The following CT45A1 variants were observed in gnomAD, a reference collection of about 807,000 sequenced individuals.
CT45A1 encodes the protein cancer/testis antigen 45-1.
rs782162920 is a variant in CT45A1 at position 135,714,840 on chromosome X, T to G, written c.-7+1150T>G. 2.7e-5 allele frequency among the ~76,000 whole-genome samples: 3 copies of G among 109,184 alleles called. No homozygotes were observed. The South Asian group carries it at 1.2e-3, about 43-fold the overall frequency. 94.8% of individuals were successfully genotyped at this position (109,184 alleles called of 115,157 possible). A position where few individuals can be genotyped will look rare whatever the true frequency, so the allele number is the denominator to read the frequency against. ...ACCACACCCAGCTATTTATTGTTTT[T>G]TTTTTTTTTTGAGCACCATTTTATG... is the stretch of plus-strand genomic sequence containing the variant. On this transcript the variant is annotated intron_variant, in intron 1 of 4. Coordinates refer to ENST00000594565, the MANE Select transcript of CT45A1 (RefSeq NM_001017417.3).
At chrX:135,712,736 G>T (rs1281692115), upstream of CT45A1, among the ~76,000 whole-genome samples, 1 of 108,024 alleles carries the variant, frequency 9.3e-6, no homozygotes, top group African/African-American at 3.4e-5. Context: ...CACCATGTTG[G>T]CCAGGCTGGT....
intron 1 of CT45A1, among the ~76,000 whole-genome samples, chrX:135,715,034 C>T (rs1452981293): frequency 8.5e-5 from 9 of 105,946 alleles, no homozygotes; most frequent in African/African-American, 3.1e-4. Flanking sequence ...TATAAAAATA[C>T]GTATACAATT....
chrX:135,709,550 G>C (rs1556569038), upstream of CT45A1, among the ~76,000 whole-genome samples: 2 of 112,710 alleles, frequency 1.8e-5, no homozygotes. Flanking sequence ...TTACAGGCGT[G>C]AGCCACTGTG....
intron 1 of CT45A1, among the ~76,000 whole-genome samples, chrX:135,715,391 T>TTATATATATAATACTTATATATAA (rs2087975390): frequency 8.6e-5 from 5 of 58,005 alleles, no homozygotes; most frequent in African/African-American, 2.7e-4. Context: ...TATATAATAC[T>TTATATATATAATACTTATATATAA]TATATATATA....
chrX:135,714,624 G>T (rs781879734), intron 1 of CT45A1, among the ~76,000 whole-genome samples: 80 of 111,139 alleles, frequency 7.2e-4, no homozygotes, highest in African/African-American at 2.4e-3. Context: ...TCGAACACTC[G>T]CTGTACAGTT....
intron 1 of CT45A1, among the ~76,000 whole-genome samples, chrX:135,717,444 G>A (rs1204398732): frequency 1.5e-4 from 17 of 110,621 alleles, no homozygotes; most frequent in African/African-American, 5.3e-4. Flanking sequence ...AGCTACTCGG[G>A]AGGCTGAGGC....
chrX:135,718,170 G>A (rs2088004650), intron 1 of CT45A1, among the ~76,000 whole-genome samples: 1 of 111,610 alleles, frequency 9.0e-6, no homozygotes. Flanking sequence ...CCTGTTTGTT[G>A]CTGTTGTTGT....
At chrX:135,712,962 TTTC>T (rs2087945201), upstream of CT45A1, among the ~76,000 whole-genome samples, 52 of 83,731 alleles carry the variant, frequency 6.2e-4, no homozygotes, top group Admixed American at 6.5e-3. Context: ...TCTTTCTTTC[TTTC>T]TTTCTTTCTT....
At chrX:135,708,568 T>C in the CT45A1 span, among the ~76,000 whole-genome samples, 1 of 110,966 alleles carries the variant, frequency 9.0e-6, no homozygotes, top group Non-Finnish European at 1.9e-5. Flanking sequence ...CCGTTTTCCT[T>C]GGGCACCTTG....
intron 1 of CT45A1, among the ~76,000 whole-genome samples, chrX:135,718,401 A>T (rs1328277770): frequency 9.1e-6 from 1 of 110,449 alleles, no homozygotes; most frequent in Non-Finnish European, 1.9e-5. Context: ...TCCTTGTCAG[A>T]TGTTGTTATC....
chrX:135,709,956 C>A (rs782663418), upstream of CT45A1: 4 of 112,327 alleles, frequency 3.6e-5, no homozygotes, highest in Non-Finnish European at 5.6e-5. Flanking sequence ...CACTTTGACA[C>A]CTTTACAAGT....
intron 2 of CT45A1, among the ~76,000 whole-genome samples, 176 bp downstream of exon 2, chrX:135,719,285 CT>C (rs1226672376): frequency 1.5e-4 from 3 of 20,098 alleles, no homozygotes; most frequent in African/African-American, 2.8e-4. Context: ...TTCCGACAAT[CT>C]TTTTTTTTTT....
At chrX:135,709,701 A>G (rs2087925010), upstream of CT45A1, among the ~76,000 whole-genome samples, 1 of 111,565 alleles carries the variant, frequency 9.0e-6, no homozygotes. Flanking sequence ...ATTGACTCTG[A>G]GGACTCCAAA....
In CT45A1 at chrX:135,713,706, C is replaced by T; in HGVS notation, c.-7+16C>T. On this transcript the variant is annotated intron_variant, in intron 1 of 4. Coordinates refer to ENST00000594565, the MANE Select transcript of CT45A1 (RefSeq NM_001017417.3). ...CTCCAGCAAGGTCAGGACTTAAGGA[C>T]TGTGAGTGGGGCAGTTTTTCCCTGG... 1.3e-6 allele frequency: 1 copy of T among 744,457 alleles called. No individual in the cohort carries two copies. The highest frequency in any genetic ancestry group is 1.6e-6 in the Non-Finnish European group (1 of 630,418). The allele number at this position is 744,457 out of a possible 1,213,427, so 61.4% of individuals were successfully genotyped here.
intron 2 of CT45A1, among the ~76,000 whole-genome samples, chrX:135,719,726 C>T (rs1424336173): frequency 2.1e-4 from 19 of 91,465 alleles, no homozygotes; most frequent in African/African-American, 5.8e-4. Flanking sequence ...CACTCTGCCA[C>T]GATCAATCAC....
chrX:135,715,199 A>ATTATATATATATAATAC (rs1331020333), intron 1 of CT45A1, among the ~76,000 whole-genome samples: 12 of 82,101 alleles, frequency 1.5e-4, no homozygotes, highest in Non-Finnish European at 2.9e-4. Context: ...TGCCATTACT[A>ATTATATATATATAATAC]TTATATATAT....
chrX:135,715,011 A>G (rs2087966682), intron 1 of CT45A1, among the ~76,000 whole-genome samples: 1 of 107,101 alleles, frequency 9.3e-6, no homozygotes, highest in Admixed American at 1.1e-4. Flanking sequence ...GCACGCAGGC[A>G]TATATGTACA....
chrX:135,709,636 T>C (rs2087924725), upstream of CT45A1, among the ~76,000 whole-genome samples: 1 of 111,896 alleles, frequency 8.9e-6, no homozygotes, highest in Non-Finnish European at 1.9e-5. Flanking sequence ...CTGCATGTTC[T>C]CATTCATATG....
intron 1 of CT45A1, among the ~76,000 whole-genome samples, chrX:135,715,710 A>G (rs1302107235): frequency 9.8e-6 from 1 of 102,305 alleles, no homozygotes; most frequent in East Asian, 2.9e-4. Context: ...TATAATACTT[A>G]TATATATAAA....
Sources: allele counts gnomAD v4.1 joint callset (sites outside exome capture counted in the v4.1 genomes callset), GRCh38; gene constraint gnomAD v4.1.1; transcripts MANE v1.5; gene names NCBI Gene and HGNC (gene_info 2026-07-23, HGNC 2026-07-21).